NUDCD3: variants seen among roughly 807,000 people sequenced by gnomAD.
NUDCD3 encodes the protein NudC domain containing 3.
A neutral mutation model predicts 39.7 loss-of-function variants in NUDCD3; 13 were observed. The observed-to-expected ratio is 0.33, with a 90% CI of 0.21 to 0.52. The LOEUF is 0.52. Among genes scored for constraint, NUDCD3 ranks in the 20% least tolerant of loss-of-function variants. The pLI, the probability that NUDCD3 is intolerant of heterozygous loss-of-function variation, is 0.96. For missense variants in NUDCD3, 453 were observed against 458.1 expected (o/e 0.99, Z 0.10); for synonymous variants, 175 against 172.4 (o/e 1.02, Z -0.12).
chr7:44,466,184 G>A (rs1800114714), intron 2 of NUDCD3, among the ~76,000 whole-genome samples: 2 of 152,064 alleles, frequency 1.3e-5, no homozygotes, highest in Non-Finnish European at 2.9e-5. Flanking sequence ...AAGGAAAAAA[G>A]CTAAAAAACA....
intron 2 of NUDCD3, among the ~76,000 whole-genome samples, chr7:44,475,020 C>T (rs1800334451): frequency 6.6e-6 from 1 of 152,230 alleles, no homozygotes; most frequent in African/African-American, 2.4e-5. Flanking sequence ...ATTATTCTCT[C>T]TCAGTGCATA....
At chr7:44,453,356 AAAAT>A (rs558104012) in intron 2 of NUDCD3, among the ~76,000 whole-genome samples, 130 of 151,836 alleles carry the variant, frequency 8.6e-4, no homozygotes, top group East Asian at 4.4e-3. Flanking sequence ...TCATCTCAAA[AAAAT>A]AAATAAATAA....
intron 2 of NUDCD3, among the ~76,000 whole-genome samples, chr7:44,430,807 C>T (rs1175764658): frequency 6.6e-6 from 1 of 152,344 alleles, no homozygotes; most frequent in African/African-American, 2.4e-5. Flanking sequence ...CTGCCTCCTC[C>T]AGGGCAAAAG....
At chr7:44,489,867 G>A (rs1444554652) in intron 1 of NUDCD3, 2 of 152,320 alleles carry the variant, frequency 1.3e-5, no homozygotes, top group African/African-American at 4.8e-5. Flanking sequence ...AATGAGTATT[G>A]ACAGCGTTTC....
At chr7:44,458,466 C>A (rs1353553218) in intron 2 of NUDCD3, among the ~76,000 whole-genome samples, 1 of 152,028 alleles carries the variant, frequency 6.6e-6, no homozygotes, top group Non-Finnish European at 1.5e-5. Flanking sequence ...TTGTGACTAG[C>A]CTGACCAACA....
chr7:44,487,609 C>G (rs1416352192), intron 1 of NUDCD3, among the ~76,000 whole-genome samples: 1 of 152,164 alleles, frequency 6.6e-6, no homozygotes, highest in East Asian at 1.9e-4. Flanking sequence ...CTTGTCAATA[C>G]TGAAATCACC....
At chr7:44,486,452 G>A (rs767726276) in intron 1 of NUDCD3, among the ~76,000 whole-genome samples, 1 of 151,920 alleles carries the variant, frequency 6.6e-6, no homozygotes, top group Non-Finnish European at 1.5e-5. Context: ...AGCTCCTGCT[G>A]GCAAAAGAAG....
intron 2 of NUDCD3, among the ~76,000 whole-genome samples, chr7:44,437,031 T>A (rs1407216455): frequency 6.6e-6 from 1 of 151,772 alleles, no homozygotes; most frequent in African/African-American, 2.4e-5. Context: ...TTTTTTTTTT[T>A]ATTCTCTACT....
chr7:44,389,741 C>T (rs1379342552), intron 5 of NUDCD3, among the ~76,000 whole-genome samples: 2 of 151,910 alleles, frequency 1.3e-5, no homozygotes, highest in Non-Finnish European at 2.9e-5. Flanking sequence ...TGCAATGTTA[C>T]AAGGTGTTGG....
chr7:44,436,165 A>G (rs1468414504), intron 2 of NUDCD3, among the ~76,000 whole-genome samples: 1 of 152,216 alleles, frequency 6.6e-6, no homozygotes, highest in Non-Finnish European at 1.5e-5. Context: ...GTATTAGATG[A>G]TTTTAAGGAA....
intron 2 of NUDCD3, among the ~76,000 whole-genome samples, chr7:44,464,989 G>A (rs571026703): frequency 3.4e-4 from 51 of 152,208 alleles, no homozygotes; most frequent in African/African-American, 1.2e-3. Flanking sequence ...GGAAGTGGCA[G>A]GGGAGCAGAA....
At chr7:44,481,210 C>T (rs1411558456) in intron 2 of NUDCD3, 4 of 152,128 alleles carry the variant, frequency 2.6e-5, no homozygotes, top group Non-Finnish European at 4.4e-5. Flanking sequence ...TTGGTATCCA[C>T]GAGGGACCAG....
At chr7:44,430,568 A>T (rs971734941) in intron 2 of NUDCD3, among the ~76,000 whole-genome samples, 4 of 128,070 alleles carry the variant, frequency 3.1e-5, no homozygotes, top group South Asian at 2.3e-4. Context: ...ACACACACAC[A>T]CTCACACACA....
intron 3 of NUDCD3, among the ~76,000 whole-genome samples, chr7:44,414,094 T>TA (rs1482330125): frequency 2.6e-5 from 4 of 152,014 alleles, no homozygotes; most frequent in Non-Finnish European, 5.9e-5. Flanking sequence ...ATATAGCAAC[T>TA]ACACTTCATG....
intron 3 of NUDCD3, among the ~76,000 whole-genome samples, chr7:44,414,040 AAAAAAAG>A (rs1798977096): frequency 6.6e-6 from 1 of 152,124 alleles, no homozygotes; most frequent in Non-Finnish European, 1.5e-5. Flanking sequence ...GTCTCAAAAA[AAAAAAAG>A]AAAAAAGAAA....
chr7:44,395,174 G>A (rs1308280176), intron 4 of NUDCD3, among the ~76,000 whole-genome samples: 1 of 152,196 alleles, frequency 6.6e-6, no homozygotes, highest in Non-Finnish European at 1.5e-5. Context: ...AATCAAGTAG[G>A]TTTTAAATTT....
chr7:44,434,089 C>T (rs1237931237), intron 2 of NUDCD3, among the ~76,000 whole-genome samples: 1 of 152,140 alleles, frequency 6.6e-6, no homozygotes, highest in African/African-American at 2.4e-5. Flanking sequence ...AGGCCCACTG[C>T]CCTGCTTCTG....
intron 4 of NUDCD3, among the ~76,000 whole-genome samples, chr7:44,392,951 T>A (rs905205615): frequency 6.6e-6 from 1 of 152,154 alleles, no homozygotes; most frequent in African/African-American, 2.4e-5. Flanking sequence ...ACCTCTCCAG[T>A]GATCTCTCTT....
In NUDCD3 at chr7:44,380,904, C is replaced by T. The variant is rs1268307508; in HGVS notation, c.*5107G>A. 1 of 152,338 alleles carries T rather than the reference C, an allele frequency of 6.6e-6. No individual in the cohort carries two copies. Among genetic ancestry groups the T allele is most frequent in the Non-Finnish European group, 1.5e-5 (1 of 68,106 alleles). The allele number at this position is 152,338 out of a possible 1,614,324, so 9.4% of individuals were successfully genotyped here. On this transcript the variant is annotated 3_prime_UTR_variant, in exon 6 of 6. Coordinates refer to ENST00000355451, the MANE Select transcript of NUDCD3 (RefSeq NM_015332.4). ...GACCCTTACCTGCCTGTGTCTTGCA[C>T]AAAGTGCACACTGGGAGGCAAGAGC... is the stretch of plus-strand genomic sequence containing the variant.
Sources: gnomAD v4.1 joint callset for allele counts (sites outside exome capture counted in the v4.1 genomes callset) on GRCh38, gnomAD v4.1.1 for gene constraint, MANE v1.5 for transcripts, NCBI Gene and HGNC (gene_info 2026-07-23, HGNC 2026-07-21) for gene names.